Variants in PRMT8 observed in about 807,000 individuals in gnomAD.
The protein encoded by PRMT8 is protein arginine N-methyltransferase 8.
PRMT8 carries 7 observed loss-of-function variants against 47.1 expected under a neutral mutation model. The observed-to-expected ratio is 0.15, with a 90% CI of 0.08 to 0.28. The LOEUF (loss-of-function observed/expected upper bound fraction) is 0.28. Among genes scored for constraint, PRMT8 ranks in the 10% least tolerant of loss-of-function variants. The pLI, the probability that PRMT8 is intolerant of heterozygous loss-of-function variation, is 1.00. For synonymous variants in PRMT8, 188 were observed against 186.5 expected, an observed-to-expected ratio of 1.01 and a Z score of -0.07; for missense variants, 237 against 505.4, an observed-to-expected ratio of 0.47 and a Z score of 5.09.
chr12:3,438,888 G>T (rs924165391), intron 1 of PRMT8, among the ~76,000 whole-genome samples: 2 of 152,156 alleles, frequency 1.3e-5, no homozygotes, highest in African/African-American at 2.4e-5. Context: ...AAAATTGATG[G>T]TCATTTCTTT....
intron 1 of PRMT8, among the ~76,000 whole-genome samples, chr12:3,533,551 C>T (rs1466776405): frequency 2.6e-5 from 4 of 152,230 alleles, no homozygotes; most frequent in African/African-American, 9.6e-5. Context: ...CCTGGACAAC[C>T]CTGACCCTCC....
chr12:3,396,874 T>A (rs1223251940), intron 1 of PRMT8, among the ~76,000 whole-genome samples: 4 of 151,904 alleles, frequency 2.6e-5, no homozygotes, highest in African/African-American at 9.7e-5. Context: ...TTTGGTCTTT[T>A]CACATAGTCC....
chr12:3,448,642 C>T (rs1223046028), intron 1 of PRMT8, among the ~76,000 whole-genome samples: 2 of 152,126 alleles, frequency 1.3e-5, no homozygotes, highest in Admixed American at 6.5e-5. Context: ...CAAAAAGTCG[C>T]CTGATATCCC....
chr12:3,529,409 T>G (rs1471229105), intron 1 of PRMT8, among the ~76,000 whole-genome samples: 1 of 152,088 alleles, frequency 6.6e-6, no homozygotes, highest in Admixed American at 6.6e-5. Context: ...TGCTTGGGAG[T>G]GCTTTAAAAA....
chr12:3,407,311 A>G (rs1004632919), intron 1 of PRMT8, among the ~76,000 whole-genome samples: 1 of 152,168 alleles, frequency 6.6e-6, no homozygotes, highest in African/African-American at 2.4e-5. Flanking sequence ...GACACAGCCA[A>G]ACCATATCAT....
At chr12:3,474,818 T>C (rs1028574201) in intron 1 of PRMT8, among the ~76,000 whole-genome samples, 1 of 152,240 alleles carries the variant, frequency 6.6e-6, no homozygotes. Context: ...GTAGGAATCA[T>C]GTCTTATTTA....
At chr12:3,442,060 T>C (rs1485146088) in intron 1 of PRMT8, among the ~76,000 whole-genome samples, 1 of 152,174 alleles carries the variant, frequency 6.6e-6, no homozygotes, top group African/African-American at 2.4e-5. Flanking sequence ...TAGCAAATGC[T>C]ATTCAAAGAG....
intron 1 of PRMT8, among the ~76,000 whole-genome samples, chr12:3,414,244 G>A (rs977905745): frequency 1.3e-5 from 2 of 152,168 alleles, no homozygotes; most frequent in Non-Finnish European, 2.9e-5. Context: ...GATAATATGG[G>A]AATAACAAAC....
In PRMT8 at chr12:3,582,662, A is replaced by C. The variant is rs181372180; in HGVS notation, c.829-396A>C. On this transcript the variant is annotated intron_variant, in intron 7 of 9. Coordinates refer to ENST00000382622, the MANE Select transcript of PRMT8 (RefSeq NM_019854.5). ...TGTTGATGCTGATATTTCAGGGACC[A>C]CATTTTAAGAGCGATGGATGGAGCA... Among the ~76,000 whole-genome samples, 24 of 152,304 alleles carry C rather than the reference A, an allele frequency of 1.6e-4. No homozygotes were observed. In the East Asian group the frequency reaches 4.4e-3, roughly 28 times the overall value.
At chr12:3,560,348 C>T (rs1370175096) in intron 4 of PRMT8, among the ~76,000 whole-genome samples, 8 of 152,246 alleles carry the variant, frequency 5.3e-5, no homozygotes, top group South Asian at 2.1e-4. Context: ...TCTCCACCTC[C>T]GTACAGCTCC....
Position 3,513,878 on chromosome 12 carries a change from G to A in PRMT8, c.75+22178G>A, listed in dbSNP as rs529775400. 2.6e-5 allele frequency among the ~76,000 whole-genome samples: 4 copies of A among 152,316 alleles called. No individual in the cohort carries two copies. In the East Asian group the frequency reaches 5.8e-4, roughly 22 times the overall value. ...TCCATTCCCTACAGTATGTTATTTT[G>A]TGGTACTTTATCCTGTTCGATTTTA... is the stretch of plus-strand genomic sequence containing the variant. On this transcript the variant is annotated intron_variant, in intron 1 of 9. Coordinates refer to ENST00000382622, the MANE Select transcript of PRMT8 (RefSeq NM_019854.5).
intron 1 of PRMT8, among the ~76,000 whole-genome samples, chr12:3,531,027 T>C (rs1866023235): frequency 6.6e-6 from 1 of 152,202 alleles, no homozygotes; most frequent in Admixed American, 6.5e-5. Context: ...TGTTTCTGGC[T>C]GTGTGCCTAC....
intron 3 of PRMT8, 21 bp from the exon 4 acceptor site, chr12:3,553,630 T>C: frequency 6.3e-7 from 1 of 1,586,520 alleles, no homozygotes; most frequent in East Asian, 2.2e-5. Context: ...GCCTTGCTCC[T>C]TTGTCCTATG....
intron 1 of PRMT8, among the ~76,000 whole-genome samples, chr12:3,481,834 T>C (rs1447399758): frequency 6.6e-6 from 1 of 152,178 alleles, no homozygotes; most frequent in Admixed American, 6.5e-5. Flanking sequence ...TCTTAGATCC[T>C]TAGAAGCTCT....
At chr12:3,395,882 G>A (rs564110535) in intron 1 of PRMT8, among the ~76,000 whole-genome samples, 1 of 152,248 alleles carries the variant, frequency 6.6e-6, no homozygotes, top group Non-Finnish European at 1.5e-5. Context: ...CTTGCTTTAT[G>A]AATCTGGGTG....
rs553396761 is a variant in PRMT8, at chr12:3,553,373, C to T, written c.418-278C>T. The T allele has an allele frequency of 7.6e-6, 4 of 526,224 alleles. No individual in the cohort carries two copies. In the African/African-American group the frequency reaches 7.6e-5, roughly 10 times the overall value. 32.6% of individuals were successfully genotyped at this position (526,224 alleles called of 1,614,324 possible). ...TGCTGGCCAGGAGCATGAGGTCTGC[C>T]AGCCCCTTTTGAGTCTCCAGCACAG... On this transcript the variant is annotated intron_variant, in intron 3 of 9. Coordinates refer to ENST00000382622, the MANE Select transcript of PRMT8 (RefSeq NM_019854.5).
intron 2 of PRMT8, 116 bp from the exon 3 acceptor site, chr12:3,549,820 T>G: frequency 1.2e-4 from 144 of 1,172,692 alleles, no homozygotes; most frequent in Non-Finnish European, 1.6e-4. Flanking sequence ...CTCTGCCTGA[T>G]GATATTATCG....
In PRMT8 at chr12:3,565,724, G is replaced by A. The variant is rs200611056; in HGVS notation, c.482-2982G>A. On this transcript the variant is annotated intron_variant, in intron 4 of 9. Transcript: ENST00000382622. ...TCTGTCTATCTATCAATCATCTCTTGTAATCCATATTGATGAGGTTACAGC... is the reference window on the plus strand; with the variant it reads ...TCTGTCTATCTATCAATCATCTCTTATAATCCATATTGATGAGGTTACAGC... Among the ~76,000 whole-genome samples, 4 of 152,234 alleles carry A rather than the reference G, an allele frequency of 2.6e-5. No homozygotes were observed. The East Asian group carries it at 7.7e-4, about 29-fold the overall frequency.
Position 3,567,038 on chromosome 12 carries a change from A to G in PRMT8, c.482-1668A>G, listed in dbSNP as rs557757891. On this transcript the variant is annotated intron_variant, in intron 4 of 9. Coordinates refer to ENST00000382622, the MANE Select transcript of PRMT8 (RefSeq NM_019854.5). ...AACTAAGAAGTGTCTCCTCCCACAG[A>G]GGAAACTGAAGTTCTTGAAGGTGAC... Among the ~76,000 whole-genome samples, 8 of 152,368 alleles carry G rather than the reference A, an allele frequency of 5.3e-5. No individual in the cohort carries two copies. In the East Asian group the frequency reaches 1.5e-3, roughly 29 times the overall value.
Sources: gnomAD v4.1 joint callset for allele counts (sites outside exome capture counted in the v4.1 genomes callset) on GRCh38, gnomAD v4.1.1 for gene constraint, MANE v1.5 for transcripts, NCBI Gene and HGNC (gene_info 2026-07-23, HGNC 2026-07-21) for gene names.